The following SSBP2 variants were observed in gnomAD, a reference collection of about 807,000 sequenced individuals.
SSBP2 encodes single-stranded DNA-binding protein 2.
In SSBP2, 17 loss-of-function variants were observed where a neutral mutation model predicts 61.8. That is an observed-to-expected ratio of 0.28 (90% CI 0.19 to 0.41). The LOEUF is 0.41. Among genes scored for constraint, SSBP2 ranks in the 10% least tolerant of loss-of-function variants. SSBP2 has a pLI of 1.00. For missense variants in SSBP2, 310 were observed against 458.7 expected (o/e 0.68, Z 2.96); for synonymous variants, 139 against 141.3 (o/e 0.98, Z 0.12).
intron 4 of SSBP2, among the ~76,000 whole-genome samples, chr5:81,532,913 A>T (rs1770525908): frequency 6.6e-6 from 1 of 151,994 alleles, no homozygotes; most frequent in Non-Finnish European, 1.5e-5. Context: ...AGACTTGAAA[A>T]AAGAAATAGA....
At chr5:81,570,620 G>A (rs765931903) in intron 4 of SSBP2, among the ~76,000 whole-genome samples, 4 of 152,264 alleles carry the variant, frequency 2.6e-5, no homozygotes, top group East Asian at 1.9e-4. Context: ...AAGCAGAGGC[G>A]CCTGGACTTG....
chr5:81,447,039 A>G (rs1371952730), intron 11 of SSBP2, 117 bp from the exon 12 acceptor site: 20 of 684,336 alleles, frequency 2.9e-5, no homozygotes, highest in Non-Finnish European at 4.1e-5. Context: ...TATTTTCTCT[A>G]ATTTATTTTC....
At chr5:81,640,943 T>C (rs916432027) in intron 2 of SSBP2, among the ~76,000 whole-genome samples, 1 of 152,242 alleles carries the variant, frequency 6.6e-6, no homozygotes, top group Non-Finnish European at 1.5e-5. Context: ...CCTAATCATA[T>C]GACCAGCAAA....
upstream of SSBP2, chr5:81,751,637 C>T (rs570943850): frequency 6.4e-6 from 1 of 157,208 alleles, no homozygotes; most frequent in Non-Finnish European, 1.4e-5. Flanking sequence ...TCCCGCTCCT[C>T]TCCTATGCGT....
intron 1 of SSBP2, among the ~76,000 whole-genome samples, chr5:81,699,914 G>C (rs1240956312): frequency 6.1e-5 from 9 of 147,206 alleles, no homozygotes; most frequent in Admixed American, 6.9e-5. Context: ...GGAGTACGGT[G>C]GCACCATCAG....
intron 2 of SSBP2, among the ~76,000 whole-genome samples, chr5:81,645,531 G>A (rs913626847): frequency 6.6e-6 from 1 of 152,168 alleles, no homozygotes; most frequent in Non-Finnish European, 1.5e-5. Flanking sequence ...TTTGTTAAGG[G>A]TATTGAGCCT....
chr5:81,516,978 ATGT>A (rs1769080140), intron 4 of SSBP2, among the ~76,000 whole-genome samples: 2 of 152,132 alleles, frequency 1.3e-5, no homozygotes, highest in Non-Finnish European at 1.5e-5. Context: ...TTACTCTATG[ATGT>A]TGTGACAAAA....
intron 3 of SSBP2, among the ~76,000 whole-genome samples, chr5:81,636,218 A>G (rs1748214155): frequency 6.6e-6 from 1 of 152,190 alleles, no homozygotes; most frequent in African/African-American, 2.4e-5. Flanking sequence ...CCTGGTATTT[A>G]TCTTGTACTT....
chr5:81,533,052 A>C (rs1187559306), intron 4 of SSBP2, among the ~76,000 whole-genome samples: 1 of 151,960 alleles, frequency 6.6e-6, no homozygotes, highest in Non-Finnish European at 1.5e-5. Flanking sequence ...GAATTTACAA[A>C]ATACTACACT....
chr5:81,578,368 G>A lies in SSBP2; in HGVS notation c.282+37105C>T, dbSNP rs1229131922. ...AAATCCCAGAGAACGTCAGTGCTTG[G>A]AAAGGATAGAATGGCATTACAAAAA... On this transcript the variant is annotated intron_variant, in intron 4 of 16. Transcript: ENST00000320672. Among the ~76,000 whole-genome samples the A allele has an allele frequency of 2.0e-5, 3 of 151,850 alleles. No homozygotes were observed. In the East Asian group the frequency reaches 5.8e-4, roughly 29 times the overall value.
chr5:81,516,942 G>A (rs931205098), intron 4 of SSBP2, among the ~76,000 whole-genome samples: 1 of 151,988 alleles, frequency 6.6e-6, no homozygotes, highest in Admixed American at 6.6e-5. Context: ...AGTTGTTGTT[G>A]GGCCTGAACC....
intron 4 of SSBP2, among the ~76,000 whole-genome samples, chr5:81,544,196 A>ACC (rs1771538673): frequency 1.3e-5 from 2 of 151,976 alleles, no homozygotes; most frequent in African/African-American, 2.4e-5. Context: ...ACTACAGGCG[A>ACC]TGCCACCACG....
chr5:81,517,300 T>C (rs920383245), intron 4 of SSBP2, among the ~76,000 whole-genome samples: 2 of 151,954 alleles, frequency 1.3e-5, no homozygotes, highest in Non-Finnish European at 2.9e-5. Context: ...GCTTTTATCA[T>C]GCACTGCCAG....
chr5:81,643,883 G>A (rs979856383), intron 2 of SSBP2, among the ~76,000 whole-genome samples: 66 of 152,048 alleles, frequency 4.3e-4, no homozygotes, highest in African/African-American at 1.6e-3. Flanking sequence ...GATTACATGC[G>A]TGAGCCACCG....
At chr5:81,749,967 A>G (rs1402376955) in intron 1 of SSBP2, among the ~76,000 whole-genome samples, 1 of 151,726 alleles carries the variant, frequency 6.6e-6, no homozygotes, top group Non-Finnish European at 1.5e-5. Context: ...TCCCCGCCAC[A>G]GCTGCCCTCC....
chr5:81,535,300 T>G (rs1473636165), intron 4 of SSBP2, among the ~76,000 whole-genome samples: 2 of 152,098 alleles, frequency 1.3e-5, no homozygotes, highest in Non-Finnish European at 1.5e-5. Context: ...TGGAGAGATA[T>G]TCTATGTTCA....
At chr5:81,698,784 G>A (rs1443109920) in intron 1 of SSBP2, among the ~76,000 whole-genome samples, 1 of 152,168 alleles carries the variant, frequency 6.6e-6, no homozygotes, top group South Asian at 2.1e-4. Context: ...CTCCAGCCTA[G>A]GTGACAGAGC....
At position 81,707,101 on chromosome 5, in the gene SSBP2, G is replaced by T. The variant is rs373338808; in HGVS notation, c.62+43880C>A. On this transcript the variant is annotated intron_variant, in intron 1 of 16. Coordinates refer to ENST00000320672, the MANE Select transcript of SSBP2 (RefSeq NM_012446.5). ...ATTCTGCCAAAAATGCCTTTCATGG[G>T]TATTAAATTAATTTCCTCTGAGAGG... 7.9e-5 allele frequency among the ~76,000 whole-genome samples: 12 copies of T among 152,262 alleles called. 1 individual carries two copies. In the South Asian group the frequency reaches 2.5e-3, roughly 32 times the overall value.
chr5:81,487,802 T>C (rs1276888093), intron 6 of SSBP2, among the ~76,000 whole-genome samples: 1 of 151,046 alleles, frequency 6.6e-6, no homozygotes, highest in African/African-American at 2.4e-5. Flanking sequence ...TGCCCTTTGA[T>C]CAACACCTTC....
Sources: allele counts gnomAD v4.1 joint callset (sites outside exome capture counted in the v4.1 genomes callset), GRCh38; gene constraint gnomAD v4.1.1; transcripts MANE v1.5; gene names NCBI Gene and HGNC (gene_info 2026-07-23, HGNC 2026-07-21).